Variants in SPON1 observed in about 807,000 individuals in gnomAD.
The protein encoded by SPON1 is spondin-1.
A neutral mutation model predicts 111.7 loss-of-function variants in SPON1; 52 were observed. That is an observed-to-expected ratio of 0.47 (90% CI 0.37 to 0.59). The LOEUF is 0.59. SPON1 is among the 20% of genes least tolerant of loss of function. The pLI is 0.00. For synonymous variants in SPON1, 410 were observed against 395.8 expected (o/e 1.04, Z -0.43); for missense variants, 957 against 1,068.5 (o/e 0.90, Z 1.46).
At position 14,259,627 on chromosome 11, in the gene SPON1, A is replaced by G. The variant is rs1849150000; in HGVS notation, c.1757A>G (p.Lys586Arg). Residue 586 changes from lysine to arginine, a missense_variant, in exon 13 of 16, where the codon AAG becomes AGG. Transcript: ENST00000576479. This position sits in a 1 kb window ranked among gnomAD's most constrained non-coding sequence, Gnocchi z 5.0. ...ATGAAGAAGCGGCACCGCATGATCA[A>G]GATGAACCCCGCAGATGGCTCCATG... ...MGMKKRHRMIKMNPADGSMCK... is the reference protein window; with the variant it reads ...MGMKKRHRMIRMNPADGSMCK... The G allele has an allele frequency of 6.4e-7, 1 of 1,562,632 alleles. No individual in the cohort carries two copies. Among genetic ancestry groups the G allele is most frequent in the African/African-American group, 1.4e-5 (1 of 73,564 alleles).
chr11:14,213,221 G>A (rs1280602408), intron 6 of SPON1, among the ~76,000 whole-genome samples: 1 of 152,130 alleles, frequency 6.6e-6, no homozygotes, highest in African/African-American at 2.4e-5. Context: ...ATTAATAAAT[G>A]AAACTCTGTG....
At chr11:13,965,372 CT>C (rs1554907944) in intron 1 of SPON1, among the ~76,000 whole-genome samples, 1 of 152,190 alleles carries the variant, frequency 6.6e-6, no homozygotes, top group Non-Finnish European at 1.5e-5. Context: ...CCCAGCGTCT[CT>C]TTTCACACTA....
chr11:14,025,534 C>G (rs1013258757), intron 2 of SPON1, among the ~76,000 whole-genome samples: 6 of 152,188 alleles, frequency 3.9e-5, no homozygotes, highest in Admixed American at 2.6e-4. Flanking sequence ...TGGCCCCATG[C>G]CTGGAGCTGT....
chr11:14,126,004 GA>G lies in SPON1; in HGVS notation c.677-9410del, dbSNP rs566568246. Among the ~76,000 whole-genome samples the G allele has an allele frequency of 2.6e-3, 399 of 152,240 alleles. 2 individuals are homozygous for G. The highest frequency in any genetic ancestry group is 8.7e-3 in the African/African-American group (361 of 41,546). On this transcript the variant is annotated intron_variant, in intron 5 of 15. Coordinates refer to ENST00000576479, the MANE Select transcript of SPON1 (RefSeq NM_006108.4). ...TTTAGTTTAAGTCCAAAGGCAGGGGGAAAAAAGCAAGGTTCCAGCTTAAAGG... is the reference window on the plus strand; with the variant it reads ...TTTAGTTTAAGTCCAAAGGCAGGGGGAAAAAGCAAGGTTCCAGCTTAAAGG...
chr11:14,175,176 A>G (rs1396756846), intron 6 of SPON1, among the ~76,000 whole-genome samples: 2 of 152,246 alleles, frequency 1.3e-5, no homozygotes, highest in African/African-American at 4.8e-5. Context: ...GCTGTACAGC[A>G]TTGAGCAGTT....
chr11:14,026,910 C>A (rs1416861848), intron 2 of SPON1, among the ~76,000 whole-genome samples: 2 of 152,174 alleles, frequency 1.3e-5, no homozygotes, highest in African/African-American at 4.8e-5. Flanking sequence ...AGACCAGAAA[C>A]AAAGGCTGTC....
At chr11:14,176,807 T>C (rs992139185) in intron 6 of SPON1, among the ~76,000 whole-genome samples, 10 of 152,100 alleles carry the variant, frequency 6.6e-5, no homozygotes, top group Non-Finnish European at 1.0e-4. Context: ...ATAAAAGGGG[T>C]GCCACCGAAC....
chr11:14,133,367 A>C (rs1847548603), intron 5 of SPON1, among the ~76,000 whole-genome samples: 1 of 152,230 alleles, frequency 6.6e-6, no homozygotes, highest in Non-Finnish European at 1.5e-5. Context: ...TAGTGAGATA[A>C]CAGACTGTAA....
chr11:14,194,794 A>T (rs1848383513), intron 6 of SPON1, among the ~76,000 whole-genome samples: 1 of 152,218 alleles, frequency 6.6e-6, no homozygotes, highest in Non-Finnish European at 1.5e-5. Flanking sequence ...TTGCACAATT[A>T]TTCCAGGTTA....
chr11:13,990,940 T>C (rs1247783712), intron 2 of SPON1, among the ~76,000 whole-genome samples: 1 of 152,238 alleles, frequency 6.6e-6, no homozygotes, highest in Admixed American at 6.5e-5. Flanking sequence ...CAGAGAGATC[T>C]GCTATTAGTC....
At chr11:14,200,804 G>T (rs1848453336) in intron 6 of SPON1, among the ~76,000 whole-genome samples, 2 of 108,762 alleles carry the variant, frequency 1.8e-5, no homozygotes, top group Non-Finnish European at 1.7e-5. Flanking sequence ...GACAGAGCAA[G>T]ACCCTGTCTT....
chr11:14,031,488 G>A (rs533766291), intron 2 of SPON1, among the ~76,000 whole-genome samples: 7 of 152,228 alleles, frequency 4.6e-5, no homozygotes, highest in African/African-American at 1.7e-4. Context: ...TTCAAATTAT[G>A]TTTCTGTTAA....
At chr11:13,975,399 C>T (rs934901008) in intron 1 of SPON1, among the ~76,000 whole-genome samples, 39 of 152,046 alleles carry the variant, frequency 2.6e-4, no homozygotes, top group African/African-American at 9.2e-4. Context: ...CTTTTTTGTT[C>T]ATTCATTCAA....
intron 2 of SPON1, among the ~76,000 whole-genome samples, chr11:14,038,192 G>A (rs546506703): frequency 1.6e-4 from 23 of 148,192 alleles, no homozygotes; most frequent in Admixed American, 3.4e-4. Context: ...ACGACTGGGC[G>A]TGGCAGCTCA....
intron 2 of SPON1, among the ~76,000 whole-genome samples, chr11:13,990,040 C>G (rs2463815): frequency 1 from 152,291 of 152,308 alleles, 76,137 homozygotes; most frequent in Middle Eastern, 1. Context: ...GGGGTGGAGA[C>G]TTCTGTAGAT....
chr11:13,982,724 C>T, intron 1 of SPON1, 123 bp from the exon 2 acceptor site: 2 of 682,192 alleles, frequency 2.9e-6, no homozygotes, highest in Non-Finnish European at 5.2e-6. Context: ...GGCCTCAACA[C>T]TGTCCACGGC....
At chr11:14,041,736 C>A in intron 3 of SPON1, 82 bp downstream of exon 3, 1 of 1,503,842 alleles carries the variant, frequency 6.6e-7, no homozygotes, top group Non-Finnish European at 9.0e-7. Flanking sequence ...AAGTTCTTTA[C>A]TGAGCATCAG....
At chr11:14,139,709 A>AATATATATATATATAT (rs57464043) in intron 6 of SPON1, among the ~76,000 whole-genome samples, 6 of 145,406 alleles carry the variant, frequency 4.1e-5, no homozygotes, top group African/African-American at 1.3e-4. Flanking sequence ...AAACATGTAA[A>AATATATATATATATAT]ATATATATAT....
chr11:14,141,027 C>CT (rs1847649235), intron 6 of SPON1, among the ~76,000 whole-genome samples: 1 of 126,536 alleles, frequency 7.9e-6, no homozygotes, highest in African/African-American at 2.8e-5. Flanking sequence ...GCGTGCCCCC[C>CT]CCATGCCCCA....
Sources: allele counts gnomAD v4.1 joint callset (sites outside exome capture counted in the v4.1 genomes callset), GRCh38; gene constraint gnomAD v4.1.1; non-coding constraint Gnocchi (gnomAD v3.1); transcripts MANE v1.5; gene names NCBI Gene and HGNC (gene_info 2026-07-23, HGNC 2026-07-21).